The following WFS1 variants were observed in gnomAD, a reference collection of about 807,000 sequenced individuals.
WFS1 encodes wolframin.
A neutral mutation model predicts 68.5 loss-of-function variants in WFS1; 90 were observed. The ratio of observed to expected loss-of-function variants is 1.31; its 90% CI spans 1.11 to 1.56. The LOEUF (loss-of-function observed/expected upper bound fraction) is 1.56. Ranked by LOEUF, WFS1 falls within the 40% of genes most tolerant of loss-of-function variation. The pLI is 0.00. For missense variants in WFS1, 1,767 were observed against 1,232.6 expected (o/e 1.43, Z -6.49); for synonymous variants, 860 against 540.7 (o/e 1.59, Z -8.19).
Position 6,287,309 on chromosome 4 carries a change from C to T in WFS1, c.315+134C>T, listed in dbSNP as rs1730343563. The T allele has an allele frequency of 3.9e-6, 3 of 763,442 alleles. No homozygotes were observed. Among genetic ancestry groups the T allele is most frequent in the South Asian group, 1.5e-5 (1 of 66,636 alleles). 47.3% of individuals were successfully genotyped at this position (763,442 alleles called of 1,614,324 possible). A position where few individuals can be genotyped will look rare whatever the true frequency, so the allele number is the denominator to read the frequency against. On this transcript the variant is annotated intron_variant, in intron 3 of 7. Coordinates refer to ENST00000226760, the MANE Select transcript of WFS1 (RefSeq NM_006005.3). This position sits in a 1 kb window ranked among gnomAD's most constrained non-coding sequence, Gnocchi z 6.4. ...CAGGAGCCAGCGTGGTGCACCCTAC[C>T]CCACTTGAGCCCCATGTTGGTAGGG... is the stretch of plus-strand genomic sequence containing the variant.
intron 2 of WFS1, among the ~76,000 whole-genome samples, chr4:6,282,766 T>G (rs1312886720): frequency 6.6e-6 from 1 of 152,170 alleles, no homozygotes; most frequent in Non-Finnish European, 1.5e-5. Flanking sequence ...GAAGAAGCCT[T>G]CCCTCCATCC....
Position 6,301,914 on chromosome 4 carries a change from G to C in WFS1, c.2119G>C (p.Val707Leu). 6.2e-7 allele frequency: 1 copy of C among 1,612,892 alleles called. No homozygotes were observed. Among genetic ancestry groups the C allele is most frequent in the Non-Finnish European group, 8.5e-7 (1 of 1,179,912 alleles). ...CACGTGGACCGGCCGCTTCAAGTAC[G>C]TCCGCGTGACTGACATCGACAACAG... is the stretch of plus-strand genomic sequence containing the variant. ...RVTWTGRFKY[V>L]RVTDIDNSAE... Residue 707 changes from valine (V) to leucine (L), a missense_variant, in exon 8 of 8, where the codon GTC becomes CTC. By Grantham distance (32) the Val-to-Leu change is conservative. Coordinates refer to ENST00000226760, the MANE Select transcript of WFS1 (RefSeq NM_006005.3).
chr4:6,292,442 C>T (rs949024147), intron 6 of WFS1, among the ~76,000 whole-genome samples: 13 of 152,096 alleles, frequency 8.5e-5, no homozygotes, highest in African/African-American at 3.1e-4. Flanking sequence ...GGCTCTGCCC[C>T]AGCGTAGGCC....
intron 2 of WFS1, among the ~76,000 whole-genome samples, chr4:6,281,628 G>A (rs1008758191): frequency 2.6e-5 from 4 of 152,124 alleles, no homozygotes; most frequent in African/African-American, 7.2e-5. Context: ...GGTTCCCGGC[G>A]GGGTCCGAGC....
Position 6,301,247 on chromosome 4 carries a change from T to C in WFS1, c.1452T>C (p.Leu484=), listed in dbSNP as rs371470711. Reference sequence around the variant, plus strand: ...TGAATTGGCCCTACCTGAAGGTCCTTGGCCAGACCTTCATCACCGTGCCTG... The same window carrying C: ...TGAATTGGCCCTACCTGAAGGTCCTCGGCCAGACCTTCATCACCGTGCCTG... ...MPLNWPYLKV[L]GQTFITVPVG... The change falls in exon 8 of 8, where the codon CTT becomes CTC. Residue 484 remains leucine (L), a synonymous_variant. Transcript: ENST00000226760. The C allele has an allele frequency of 1.2e-6, 2 of 1,611,602 alleles. No homozygotes were observed. Among genetic ancestry groups the C allele is most frequent in the Non-Finnish European group, 1.7e-6 (2 of 1,180,028 alleles).
rs1282550513 is a variant in WFS1, at chr4:6,301,948, C to T, written c.2153C>T (p.Ser718Phe). The change falls in exon 8 of 8, where the codon TCT becomes TTT. Residue 718 changes from serine (S) to phenylalanine (F), a missense_variant. By Grantham distance (155) the Ser-to-Phe change is radical. Coordinates refer to ENST00000226760, the MANE Select transcript of WFS1 (RefSeq NM_006005.3). ...ACTGACATCGACAACAGCGCCGAGT[C>T]TGCCATCAACATGCTCCCGTTCTTC... Reference protein sequence around the residue: ...RVTDIDNSAESAINMLPFFIG... With the variant: ...RVTDIDNSAEFAINMLPFFIG... The T allele has an allele frequency of 1.9e-6, 3 of 1,612,762 alleles. No homozygotes were observed. Among genetic ancestry groups the T allele is most frequent in the South Asian group, 1.1e-5 (1 of 91,072 alleles).
intron 7 of WFS1, among the ~76,000 whole-genome samples, 161 bp downstream of exon 7, chr4:6,295,350 A>G (rs1560413345): frequency 6.6e-6 from 1 of 152,176 alleles, no homozygotes; most frequent in South Asian, 2.1e-4. Flanking sequence ...ATCTATCGTC[A>G]TAAGGATGTG....
rs2109114273 is a variant in WFS1 at position 6,287,706 on chromosome 4, G to GA, written c.315+534dup. Among the ~76,000 whole-genome samples the GA allele has an allele frequency of 6.6e-6, 1 of 152,272 alleles. No individual in the cohort carries two copies. On this transcript the variant is annotated intron_variant, in intron 3 of 7. Coordinates refer to ENST00000226760, the MANE Select transcript of WFS1 (RefSeq NM_006005.3). The surrounding 1 kb of genome is among the most constrained non-coding windows in gnomAD (Gnocchi z 6.4). ...AAAAAACCCAAGTAGACAAGACACA[G>GA]AAATACAGTGATTTTGAATTCTGGT...
Position 6,301,578 on chromosome 4 carries a change from A to T in WFS1, c.1783A>T (p.Thr595Ser). Residue 595 changes from threonine (T) to serine (S), a missense_variant, in exon 8 of 8, where the codon ACC becomes TCC. By Grantham distance (58) the Thr-to-Ser change is moderately conservative. Coordinates refer to ENST00000226760, the MANE Select transcript of WFS1 (RefSeq NM_006005.3). ...FARWFTSLEL[T>S]KIAVTVAVCS... Reference sequence around the variant, plus strand: ...CCGGTGGTTCACGTCTCTGGAGCTCACCAAGATCGCAGTCACCGTGGCGGT... The same window carrying T: ...CCGGTGGTTCACGTCTCTGGAGCTCTCCAAGATCGCAGTCACCGTGGCGGT... 6.2e-7 allele frequency: 1 copy of T among 1,614,030 alleles called. No homozygotes were observed. Among genetic ancestry groups the T allele is most frequent in the Non-Finnish European group, 8.5e-7 (1 of 1,180,018 alleles).
In WFS1 at chr4:6,300,689, G is replaced by A. The variant is rs367605880; in HGVS notation, c.894G>A (p.Glu298=). Residue 298 remains glutamate, a synonymous_variant, in exon 8 of 8, where the codon GAG becomes GAA. Coordinates refer to ENST00000226760, the MANE Select transcript of WFS1 (RefSeq NM_006005.3). ...VVKYPLHAIM[E]IKEYLIDMAS... ...AGTACCCCCTGCACGCCATCATGGA[G>A]ATCAAGGAGTACCTGATTGACATGG... 5.0e-6 allele frequency: 8 copies of A among 1,613,922 alleles called. No homozygotes were observed. In the African/African-American group the frequency reaches 1.1e-4, roughly 22 times the overall value.
chr4:6,302,614 T>G lies in WFS1; in HGVS notation c.*146T>G, dbSNP rs1322154855. On this transcript the variant is annotated 3_prime_UTR_variant, in exon 8 of 8. Coordinates refer to ENST00000226760, the MANE Select transcript of WFS1 (RefSeq NM_006005.3). Reference sequence around the variant, plus strand: ...AGAGACCTTGCGACCATGTGTAGATTGCGTGGACCCCGACAAAGGGAAGGC... The same window carrying G: ...AGAGACCTTGCGACCATGTGTAGATGGCGTGGACCCCGACAAAGGGAAGGC... 13 of 1,203,278 alleles carry G rather than the reference T, an allele frequency of 1.1e-5. No homozygotes were observed. The African/African-American group carries it at 1.6e-4, about 14-fold the overall frequency. 74.5% of individuals were successfully genotyped at this position (1,203,278 alleles called of 1,614,324 possible). A position where few individuals can be genotyped will look rare whatever the true frequency, so the allele number is the denominator to read the frequency against.
chr4:6,291,107 A>G (rs1300290532), intron 4 of WFS1, 90 bp from the exon 5 acceptor site: 11 of 1,480,152 alleles, frequency 7.4e-6, no homozygotes, highest in Non-Finnish European at 1.0e-5. Flanking sequence ...GTCTCGCTCG[A>G]AAGCCTTCCA....
intron 1 of WFS1, among the ~76,000 whole-genome samples, chr4:6,275,716 G>A (rs939275374): frequency 2.6e-5 from 4 of 152,162 alleles, no homozygotes; most frequent in African/African-American, 4.8e-5. Context: ...GTTCTTGAGC[G>A]ACACCAGTCT....
At chr4:6,300,423 C>T (rs539690087) in intron 7 of WFS1, among the ~76,000 whole-genome samples, 20 of 149,998 alleles carry the variant, frequency 1.3e-4, no homozygotes, top group Admixed American at 6.0e-4. Flanking sequence ...GAGCCAGGCA[C>T]GGGGCAGAGG....
Position 6,301,482 on chromosome 4 carries a change from T to TACTTCC in WFS1, c.1688_1693dup (p.Phe564_Leu565insHisPhe), listed in dbSNP as rs1730910649. The TACTTCC allele has an allele frequency of 6.2e-7, 1 of 1,613,128 alleles. No individual in the cohort carries two copies. The highest frequency in any genetic ancestry group is 1.3e-5 in the African/African-American group (1 of 74,946). On this transcript the variant is annotated inframe_insertion, in exon 8 of 8. Coordinates refer to ENST00000226760, the MANE Select transcript of WFS1 (RefSeq NM_006005.3). The stretch of plus-strand genomic sequence containing the variant: ...GGGGCTGCTCCGCGCCTCCATCGGC[T>TACTTCC]ACTTCCTCTTCCTCTTTGCCCTCCC...
chr4:6,272,483 G>A (rs1729869742), intron 1 of WFS1, among the ~76,000 whole-genome samples: 2 of 152,192 alleles, frequency 1.3e-5, no homozygotes, highest in African/African-American at 4.8e-5. Context: ...ATCCATCAAG[G>A]GCTTTGTGCC....
intron 6 of WFS1, among the ~76,000 whole-genome samples, chr4:6,293,079 G>A (rs973076393): frequency 3.3e-5 from 5 of 152,190 alleles, no homozygotes; most frequent in Non-Finnish European, 7.4e-5. Context: ...CAGAGAGGCT[G>A]TGACAGTGTC....
intron 7 of WFS1, 117 bp downstream of exon 7, chr4:6,295,306 C>A: frequency 1.6e-6 from 2 of 1,268,228 alleles, no homozygotes; most frequent in Non-Finnish European, 2.2e-6. Context: ...CAAAGAGTGT[C>A]TTACAGCCGT....
At position 6,300,777 on chromosome 4, in the gene WFS1, ATCT is replaced by A; in HGVS notation, c.991_993del (p.Phe331del). ...CCCCACGCACCACATCAACGCGCTCATCTTCTTCTTCATCGTCAGCAACCTCAC... is the reference window on the plus strand; with the variant it reads ...CCCCACGCACCACATCAACGCGCTCATCTTCTTCATCGTCAGCAACCTCAC... On this transcript the variant is annotated inframe_deletion, in exon 8 of 8. Coordinates refer to ENST00000226760, the MANE Select transcript of WFS1 (RefSeq NM_006005.3). 6.2e-7 allele frequency: 1 copy of A among 1,613,928 alleles called. No individual in the cohort carries two copies. The highest frequency in any genetic ancestry group is 1.1e-5 in the South Asian group (1 of 91,058).
Sources: allele counts gnomAD v4.1 joint callset (sites outside exome capture counted in the v4.1 genomes callset), GRCh38; gene constraint gnomAD v4.1.1; non-coding constraint Gnocchi (gnomAD v3.1); transcripts MANE v1.5; gene names NCBI Gene and HGNC (gene_info 2026-07-23, HGNC 2026-07-21).